FSTL5: variants seen among roughly 807,000 people sequenced by gnomAD.
The protein encoded by FSTL5 is follistatin-related protein 5.
A neutral mutation model predicts 89.1 loss-of-function variants in FSTL5; 62 were observed. The observed-to-expected ratio is 0.70, with a 90% CI of 0.57 to 0.86. The LOEUF (loss-of-function observed/expected upper bound fraction) is 0.86, where lower values mean the gene tolerates loss of function less well. FSTL5 is among the 40% of genes least tolerant of loss of function. FSTL5 has a pLI of 0.00. For missense variants in FSTL5, 1,057 were observed against 1,001.6 expected, an observed-to-expected ratio of 1.06 and a Z score of -0.75; for synonymous variants, 383 against 346.2, an observed-to-expected ratio of 1.11 and a Z score of -1.18.
chr4:162,115,293 G>T (rs1255884565), intron 1 of FSTL5, among the ~76,000 whole-genome samples: 1 of 152,106 alleles, frequency 6.6e-6, no homozygotes, highest in Non-Finnish European at 1.5e-5. Flanking sequence ...TATGCTCAGA[G>T]AATCATGATC....
chr4:161,641,675 A>G (rs1735968442), intron 7 of FSTL5, among the ~76,000 whole-genome samples: 1 of 151,916 alleles, frequency 6.6e-6, no homozygotes, highest in Admixed American at 6.6e-5. Flanking sequence ...TATTTTTAGT[A>G]GAGACGTGGT....
At chr4:161,802,968 T>C (rs1411773400) in intron 4 of FSTL5, among the ~76,000 whole-genome samples, 3 of 151,958 alleles carry the variant, frequency 2.0e-5, no homozygotes, top group Admixed American at 6.6e-5. Context: ...ATAATTAAAA[T>C]ATAAAACACA....
At chr4:161,690,128 C>T (rs932829039) in intron 6 of FSTL5, among the ~76,000 whole-genome samples, 2 of 152,030 alleles carry the variant, frequency 1.3e-5, no homozygotes, top group Non-Finnish European at 2.9e-5. Context: ...GTTTTTAATT[C>T]TGTGGAGTAG....
intron 4 of FSTL5, among the ~76,000 whole-genome samples, chr4:161,817,952 G>A (rs193202926): frequency 4.1e-4 from 62 of 152,260 alleles, no homozygotes; most frequent in Admixed American, 9.8e-4. Flanking sequence ...CCTGGCTCGG[G>A]GTCCACCCCC....
rs199893949 is a variant in FSTL5, at chr4:161,473,410, C to CT, written c.1608+7609dup. The stretch of plus-strand genomic sequence containing the variant: ...TTTTTTATTAATAAATTATCTCCCT[C>CT]TTTGTCTCTTGTAATTTTTTTTTTT... On this transcript the variant is annotated intron_variant, in intron 13 of 15. Transcript: ENST00000306100. Among the ~76,000 whole-genome samples, 369 of 141,478 alleles carry CT rather than the reference C, an allele frequency of 2.6e-3. 3 individuals are homozygous for CT. Among genetic ancestry groups the CT allele is most frequent in the African/African-American group, 8.9e-3 (346 of 38,678 alleles). The allele number at this position is 141,478 out of a possible 152,430, so 92.8% of individuals were successfully genotyped here.
chr4:161,629,465 C>T (rs190147607), intron 7 of FSTL5, among the ~76,000 whole-genome samples: 34 of 152,134 alleles, frequency 2.2e-4, no homozygotes, highest in Non-Finnish European at 3.8e-4. Context: ...GTCTCAGCCT[C>T]CCTGGTAGCT....
At chr4:161,460,763 C>CT (rs1023636090) in intron 13 of FSTL5, among the ~76,000 whole-genome samples, 15 of 151,946 alleles carry the variant, frequency 9.9e-5, no homozygotes, top group African/African-American at 3.6e-4. Context: ...GTCTTTACCC[C>CT]TTTTTTCCTC....
At chr4:161,779,824 T>C (rs1447944244) in intron 4 of FSTL5, among the ~76,000 whole-genome samples, 8 of 85,200 alleles carry the variant, frequency 9.4e-5, no homozygotes, top group African/African-American at 5.7e-4. Flanking sequence ...TATATATATA[T>C]ATATATATAT....
At position 161,981,833 on chromosome 4, in the gene FSTL5, C is replaced by T. The variant is rs146109857; in HGVS notation, c.160+51792G>A. On this transcript the variant is annotated intron_variant, in intron 3 of 15. Transcript: ENST00000306100. ...GTAAATACTGACATTAAAATAAACT[C>T]GTAAAATTAGCATACTACCTTTACA... Among the ~76,000 whole-genome samples the T allele has an allele frequency of 2.6e-3, 399 of 152,168 alleles. 1 individual carries two copies. The highest frequency in any genetic ancestry group is 9.3e-3 in the African/African-American group (387 of 41,524).
At chr4:161,694,059 T>C (rs1000708276) in intron 6 of FSTL5, among the ~76,000 whole-genome samples, 10 of 151,576 alleles carry the variant, frequency 6.6e-5, no homozygotes, top group African/African-American at 2.2e-4. Context: ...AATTTATTAA[T>C]CTTTACAAAG....
At chr4:161,991,840 G>T (rs1736119610) in intron 3 of FSTL5, among the ~76,000 whole-genome samples, 1 of 152,166 alleles carries the variant, frequency 6.6e-6, no homozygotes, top group Non-Finnish European at 1.5e-5. Flanking sequence ...GAAGTCCTAG[G>T]AGAATGAGAG....
chr4:161,505,774 G>T (rs1370866932), intron 11 of FSTL5, among the ~76,000 whole-genome samples: 1 of 151,704 alleles, frequency 6.6e-6, no homozygotes, highest in Non-Finnish European at 1.5e-5. Context: ...TATAGATATC[G>T]CTACAAATGG....
rs993307509 is a variant in FSTL5 at position 161,691,740 on chromosome 4, T to C, written c.728-35246A>G. On this transcript the variant is annotated intron_variant, in intron 6 of 15. Coordinates refer to ENST00000306100, the MANE Select transcript of FSTL5 (RefSeq NM_020116.5). ...AGCATACAAGTCTTTTAGCTCCTTG[T>C]ATAAAATTATTTCCTAGATATTTTA... is the stretch of plus-strand genomic sequence containing the variant. Among the ~76,000 whole-genome samples, 11 of 152,262 alleles carry C rather than the reference T, an allele frequency of 7.2e-5. No individual in the cohort carries two copies. The East Asian group carries it at 7.7e-4, about 11-fold the overall frequency.
intron 4 of FSTL5, among the ~76,000 whole-genome samples, chr4:161,807,570 GT>G (rs1374767968): frequency 8.6e-5 from 13 of 152,002 alleles, no homozygotes; most frequent in African/African-American, 3.1e-4. Flanking sequence ...GGCTTGGTGG[GT>G]CATAGGTCTC....
At chr4:162,045,732 G>C (rs1014009031) in intron 2 of FSTL5, among the ~76,000 whole-genome samples, 2 of 152,078 alleles carry the variant, frequency 1.3e-5, no homozygotes, top group African/African-American at 4.8e-5. Context: ...AGTGCAATCA[G>C]ATAAGGTACA....
chr4:162,112,193 C>G (rs1731470609), intron 1 of FSTL5, among the ~76,000 whole-genome samples: 1 of 152,158 alleles, frequency 6.6e-6, no homozygotes, highest in Non-Finnish European at 1.5e-5. Flanking sequence ...TGACAGAGAG[C>G]AGCTTTTTCT....
chr4:161,636,062 T>G (rs910807561), intron 7 of FSTL5, among the ~76,000 whole-genome samples: 2 of 150,974 alleles, frequency 1.3e-5, no homozygotes, highest in African/African-American at 4.9e-5. Flanking sequence ...TAGTACCCAA[T>G]GTCTTCCAAA....
intron 4 of FSTL5, among the ~76,000 whole-genome samples, chr4:161,841,183 G>T (rs977873638): frequency 1.4e-4 from 22 of 152,216 alleles, no homozygotes; most frequent in African/African-American, 4.8e-4. Context: ...AAACTTTCAT[G>T]AAATTGCTCA....
intron 1 of FSTL5, among the ~76,000 whole-genome samples, chr4:162,130,998 G>C (rs1290581060): frequency 6.6e-6 from 1 of 152,056 alleles, no homozygotes; most frequent in Non-Finnish European, 1.5e-5. Context: ...TATTATTTTA[G>C]AGAGTCATAT....
Sources: allele counts gnomAD v4.1 joint callset (sites outside exome capture counted in the v4.1 genomes callset), GRCh38; gene constraint gnomAD v4.1.1; transcripts MANE v1.5; gene names NCBI Gene and HGNC (gene_info 2026-07-23, HGNC 2026-07-21).